Variants in ADAR observed in about 807,000 individuals in gnomAD.
The protein encoded by ADAR is adenosine deaminase RNA specific.
A neutral mutation model predicts 113.2 loss-of-function variants in ADAR; 41 were observed. The ratio of observed to expected loss-of-function variants is 0.36; its 90% CI spans 0.28 to 0.47. ADAR has a LOEUF of 0.47. ADAR is among the 20% of genes least tolerant of loss of function. The pLI is 1.00. For synonymous variants in ADAR, 605 were observed against 572.6 expected (o/e 1.06, Z -0.81); for missense variants, 1,242 against 1,540.9 (o/e 0.81, Z 3.25).
intron 1 of ADAR, among the ~76,000 whole-genome samples, chr1:154,616,131 G>C (rs140912973): frequency 9.3e-4 from 142 of 152,314 alleles, no homozygotes; most frequent in African/African-American, 3.3e-3. Flanking sequence ...CAGCAATACA[G>C]ATAAGGTTCT....
rs776945875 is a variant in ADAR, at chr1:154,583,265, G to A, written c.*1541C>T. On this transcript the variant is annotated 3_prime_UTR_variant, in exon 15 of 15. Coordinates refer to ENST00000368474, the MANE Select transcript of ADAR (RefSeq NM_001111.5). ...AAAACTGGACTGCAGCCATCACCAC[G>A]GCACCAAGTCTATGCTTGGGCTCTT... The A allele has an allele frequency of 2.0e-5, 3 of 152,252 alleles. No homozygotes were observed. Among genetic ancestry groups the A allele is most frequent in the Non-Finnish European group, 2.9e-5 (2 of 68,068 alleles). The allele number at this position is 152,252 out of a possible 1,614,324, so 9.4% of individuals were successfully genotyped here.
chr1:154,601,683 T>C lies in ADAR; in HGVS notation c.959A>G (p.Lys320Arg). 1 of 1,614,244 alleles carries C rather than the reference T, an allele frequency of 6.2e-7. No individual in the cohort carries two copies. Among genetic ancestry groups the C allele is most frequent in the Non-Finnish European group, 8.5e-7 (1 of 1,180,044 alleles). ...TCGGGCCTTGGTAAGGCCAATATTT[T>C]TAGCCAAATTCAGGGCAGAGGAGTC... Reference protein sequence around the residue: ...VSDSSALNLAKNIGLTKARDI... With the variant: ...VSDSSALNLARNIGLTKARDI... The change falls in exon 2 of 15, where the codon AAA (lysine) becomes AGA (arginine). Residue 320 changes from lysine (K) to arginine (R), a missense_variant. Lys to Arg is a conservative substitution (Grantham distance 26). Around this residue, in one of 2 missense-constraint regions of ADAR, gnomAD observed 462 missense variants for 483.1 expected, o/e 0.96. Coordinates refer to ENST00000368474, the MANE Select transcript of ADAR (RefSeq NM_001111.5). The surrounding 1 kb of genome is among the most constrained non-coding windows in gnomAD (Gnocchi z 4.7).
intron 6 of ADAR, 74 bp from the exon 7 acceptor site, chr1:154,590,483 TG>T: frequency 7.0e-7 from 1 of 1,436,412 alleles, no homozygotes; most frequent in Non-Finnish European, 9.8e-7. Flanking sequence ...TTAGTTTTGC[TG>T]AAGATGTGGC....
In ADAR at chr1:154,598,262, C is replaced by T. The variant is rs1424658858; in HGVS notation, c.1785+140G>A. 3.7e-5 allele frequency: 35 copies of T among 951,908 alleles called. No individual in the cohort carries two copies. In the East Asian group the frequency reaches 6.3e-4, roughly 17 times the overall value. The allele number at this position is 951,908 out of a possible 1,614,324, so 59.0% of individuals were successfully genotyped here. Reference sequence around the variant, plus strand: ...TATGAGAGGAGGAAAGGTGGGCTGGCGAGATAGGGTAGAGGGAAGAGTGGG... The same window carrying T: ...TATGAGAGGAGGAAAGGTGGGCTGGTGAGATAGGGTAGAGGGAAGAGTGGG... On this transcript the variant is annotated intron_variant, in intron 3 of 14. Transcript: ENST00000368474.
chr1:154,616,529 T>C (rs1465401115), intron 1 of ADAR, among the ~76,000 whole-genome samples: 1 of 152,184 alleles, frequency 6.6e-6, no homozygotes, highest in Non-Finnish European at 1.5e-5. Context: ...TCAACACTTC[T>C]GGAGGAAGAG....
intron 1 of ADAR, among the ~76,000 whole-genome samples, chr1:154,604,025 T>TCA (rs1432653255): frequency 1.3e-5 from 2 of 152,098 alleles, no homozygotes; most frequent in Admixed American, 1.3e-4. Flanking sequence ...TCCTTCAATC[T>TCA]CACTATGACT....
At chr1:154,605,230 C>T (rs1358815474) in intron 1 of ADAR, among the ~76,000 whole-genome samples, 1 of 152,128 alleles carries the variant, frequency 6.6e-6, no homozygotes, top group Non-Finnish European at 1.5e-5. Flanking sequence ...CTTTCTATCC[C>T]TCTACATGCC....
At chr1:154,587,429 G>A (rs75259212) in intron 11 of ADAR, among the ~76,000 whole-genome samples, 3 of 152,026 alleles carry the variant, frequency 2.0e-5, no homozygotes, top group African/African-American at 7.2e-5. Context: ...CACTTTTTTG[G>A]CTCTTGTGAG....
At chr1:154,625,849 C>T (rs1174021082) in intron 1 of ADAR, among the ~76,000 whole-genome samples, 1 of 151,940 alleles carries the variant, frequency 6.6e-6, no homozygotes, top group Admixed American at 6.6e-5. Context: ...ACTAAAAATA[C>T]AAAAATTAGC....
chr1:154,588,084 G>C (rs767111015), intron 11 of ADAR, 41 bp downstream of exon 11: 19 of 1,611,570 alleles, frequency 1.2e-5, no homozygotes, highest in Non-Finnish European at 1.4e-5. Flanking sequence ...GGACCTTGCA[G>C]AGCCTTTTGA....
chr1:154,601,661 G>A lies in ADAR; in HGVS notation c.981C>T (p.Ala327=). The A allele has an allele frequency of 6.2e-7, 1 of 1,614,014 alleles. No individual in the cohort carries two copies. Among genetic ancestry groups the A allele is most frequent in the Admixed American group, 1.7e-5 (1 of 60,018 alleles). ...NLAKNIGLTK[A]RDINAVLIDM... The stretch of plus-strand genomic sequence containing the variant: ...CAATTAGCACAGCATTTATATCTCG[G>A]GCCTTGGTAAGGCCAATATTTTTAG... The change falls in exon 2 of 15, where the codon GCC becomes GCT. Residue 327 remains alanine, a synonymous_variant. Coordinates refer to ENST00000368474, the MANE Select transcript of ADAR (RefSeq NM_001111.5). This position sits in a 1 kb window ranked among gnomAD's most constrained non-coding sequence, Gnocchi z 4.7.
rs754538298 is a variant in ADAR, at chr1:154,596,833, C to T, written c.2242G>A (p.Asp748Asn). The change falls in exon 6 of 15, where the codon GAC becomes AAC. Residue 748 changes from aspartate (D) to asparagine (N), a missense_variant. Asp to Asn is a conservative substitution (Grantham distance 23, BLOSUM62 1). This residue lies in a region of ADAR where 780 missense variants were observed against 1,057.9 expected (regional missense o/e 0.74). Coordinates refer to ENST00000368474, the MANE Select transcript of ADAR (RefSeq NM_001111.5). ...HGFAAEFKLV[D>N]QSGPPHEPKF... is the part of the protein sequence containing the mutation. ...GGCTCGTGAGGAGGTCCGGACTGGTCGACCAACTTGAATTCAGCAGCAAAG... is the reference window on the plus strand; with the variant it reads ...GGCTCGTGAGGAGGTCCGGACTGGTTGACCAACTTGAATTCAGCAGCAAAG... The T allele has an allele frequency of 6.8e-6, 11 of 1,613,520 alleles. No homozygotes were observed. Among genetic ancestry groups the T allele is most frequent in the South Asian group, 1.1e-5 (1 of 91,026 alleles).
intron 6 of ADAR, among the ~76,000 whole-genome samples, chr1:154,591,262 A>G (rs1697127416): frequency 6.6e-6 from 1 of 152,210 alleles, no homozygotes; most frequent in South Asian, 2.1e-4. Context: ...CTTAAGCAGA[A>G]ATCAGAAGGG....
rs184149820 is a variant in ADAR at position 154,621,846 on chromosome 1, G to A, written c.-871+6009C>T. Among the ~76,000 whole-genome samples, 3 of 152,330 alleles carry A rather than the reference G, an allele frequency of 2.0e-5. No homozygotes were observed. In the East Asian group the frequency reaches 5.8e-4, roughly 29 times the overall value. ...GTACTGCAGCTAGGCTGAAACTGCC[G>A]CTTGGATGTTTGGAGTAAGAGCGGG... On this transcript the variant is annotated intron_variant, in intron 1 of 14. Transcript: ENST00000368471.
At chr1:154,597,073 A>G (rs1190404521) in intron 5 of ADAR, 50 bp downstream of exon 5, 1 of 1,614,064 alleles carries the variant, frequency 6.2e-7, no homozygotes, top group Non-Finnish European at 8.5e-7. Context: ...ATCTTAAACC[A>G]CTCAGTTGCT....
rs773658109 is a variant in ADAR at position 154,601,853 on chromosome 1, G to C, written c.789C>G (p.Asp263Glu). ...WNQHSGVVRP[D>E]SHSQGSPNSD... The stretch of plus-strand genomic sequence containing the variant: ...AGTTTGGGGATCCTTGGCTATGACT[G>C]TCTGGTCTTACCACTCCGCTGTGCT... Residue 263 changes from aspartate (D) to glutamate (E), a missense_variant, in exon 2 of 15, where the codon GAC (aspartate) becomes GAG (glutamate). Physicochemically the swap from Asp to Glu is conservative, Grantham distance 45. This residue lies in a region of ADAR where 462 missense variants were observed against 483.1 expected (regional missense o/e 0.96). Coordinates refer to ENST00000368474, the MANE Select transcript of ADAR (RefSeq NM_001111.5). The surrounding 1 kb of genome is among the most constrained non-coding windows in gnomAD (Gnocchi z 4.7). 14 of 1,614,102 alleles carry C rather than the reference G, an allele frequency of 8.7e-6. No homozygotes were observed. The highest frequency in any genetic ancestry group is 1.2e-5 in the Non-Finnish European group (14 of 1,180,048).
intron 6 of ADAR, among the ~76,000 whole-genome samples, chr1:154,590,786 TAA>T (rs5777920): frequency 3.5e-3 from 414 of 119,038 alleles, no homozygotes; most frequent in African/African-American, 4.1e-3. Flanking sequence ...CCCTGTCTCT[TAA>T]AAAAAAAAAA....
At chr1:154,626,122 G>GT (rs200091076) in intron 1 of ADAR, among the ~76,000 whole-genome samples, 77,650 of 137,850 alleles carry the variant, frequency 0.56, 20,771 homozygotes, top group East Asian at 0.74. Context: ...AATAAAGTGA[G>GT]TTTTTTTTTT....
chr1:154,591,228 G>A (rs1353865505), intron 6 of ADAR, among the ~76,000 whole-genome samples: 1 of 150,116 alleles, frequency 6.7e-6, no homozygotes, highest in Non-Finnish European at 1.5e-5. Context: ...TTAACGAAAT[G>A]CTAGCACCAA....
Sources: allele counts gnomAD v4.1 joint callset (sites outside exome capture counted in the v4.1 genomes callset), GRCh38; gene constraint gnomAD v4.1.1; regional missense constraint gnomAD v4.1.1; non-coding constraint Gnocchi (gnomAD v3.1); transcripts MANE v1.5; gene names NCBI Gene and HGNC (gene_info 2026-07-23, HGNC 2026-07-21).